Variants in ZNF385D observed in about 807,000 individuals in gnomAD.
The protein encoded by ZNF385D is zinc finger protein 659.
Under a neutral mutation model 35.8 loss-of-function variants are expected in ZNF385D, and 15 were observed. The observed-to-expected ratio is 0.42, with a 90% confidence interval of 0.28 to 0.64. The LOEUF is 0.64. Among genes scored for constraint, ZNF385D ranks in the 30% least tolerant of loss-of-function variants. ZNF385D has a pLI of 0.23. For missense variants in ZNF385D, 474 were observed against 494.6 expected, an observed-to-expected ratio of 0.96 and a Z score of 0.39; for synonymous variants, 212 against 186.8, an observed-to-expected ratio of 1.13 and a Z score of -1.10.
intron 3 of ZNF385D, among the ~76,000 whole-genome samples, chr3:22,006,423 C>G (rs1696207095): frequency 6.6e-6 from 1 of 152,060 alleles, no homozygotes; most frequent in Non-Finnish European, 1.5e-5. Flanking sequence ...ATTTATAACT[C>G]TGGGAAAATA....
rs541560932 is a variant in ZNF385D, at chr3:22,325,765, C to CA, written c.106+46684dup. ...AGAGCGAGACTCTGTCTCAAAAAAA[C>CA]AAAAAACAAAAAAACAGAGCCATCT... On this transcript the variant is annotated intron_variant, in intron 2 of 5. Transcript: ENST00000494108. 1.2e-3 allele frequency among the ~76,000 whole-genome samples: 189 copies of CA among 151,406 alleles called. 2 individuals are homozygous for CA. Among genetic ancestry groups the CA allele is most frequent in the African/African-American group, 4.4e-3 (180 of 41,366 alleles).
At chr3:21,894,311 C>T (rs764731741) in intron 3 of ZNF385D, among the ~76,000 whole-genome samples, 29 of 152,166 alleles carry the variant, frequency 1.9e-4, no homozygotes, top group Admixed American at 3.9e-4. Flanking sequence ...TTAGTCAATT[C>T]ATGTAATATT....
At chr3:22,242,669 T>C (rs1699562833) in intron 2 of ZNF385D, among the ~76,000 whole-genome samples, 1 of 151,122 alleles carries the variant, frequency 6.6e-6, no homozygotes, top group African/African-American at 2.4e-5. Flanking sequence ...CACAGCATGG[T>C]ATTCTAAACT....
At chr3:22,227,453 C>T (rs1413200529) in intron 2 of ZNF385D, among the ~76,000 whole-genome samples, 1 of 152,182 alleles carries the variant, frequency 6.6e-6, no homozygotes, top group Non-Finnish European at 1.5e-5. Flanking sequence ...AGAATCTGAA[C>T]AGACATGCCT....
intron 1 of ZNF385D, among the ~76,000 whole-genome samples, chr3:21,737,799 T>C (rs1559568509): frequency 6.6e-6 from 1 of 152,182 alleles, no homozygotes; most frequent in Admixed American, 6.5e-5. Context: ...TGTGGCACAT[T>C]GCCTGATGTG....
chr3:21,521,086 A>T (rs533809568), intron 3 of ZNF385D, among the ~76,000 whole-genome samples: 6 of 152,222 alleles, frequency 3.9e-5, no homozygotes, highest in African/African-American at 1.4e-4. Flanking sequence ...AAATCTGAGA[A>T]TAGTTCTGAT....
chr3:22,173,980 T>C (rs2125767123), intron 2 of ZNF385D, among the ~76,000 whole-genome samples: 1 of 152,104 alleles, frequency 6.6e-6, no homozygotes, highest in Non-Finnish European at 1.5e-5. Context: ...TGATTCCTTC[T>C]ATTTATTATC....
At chr3:22,140,667 C>G (rs1338390241) in intron 3 of ZNF385D, among the ~76,000 whole-genome samples, 1 of 152,130 alleles carries the variant, frequency 6.6e-6, no homozygotes, top group African/African-American at 2.4e-5. Flanking sequence ...GTGAAGGGTA[C>G]ATGAAAACTC....
intron 2 of ZNF385D, among the ~76,000 whole-genome samples, chr3:22,231,960 C>G (rs1401546397): frequency 6.6e-6 from 1 of 152,090 alleles, no homozygotes; most frequent in Non-Finnish European, 1.5e-5. Flanking sequence ...GAAGACGTGC[C>G]TCCTTCCCCT....
chr3:22,178,185 G>C (rs1199644883), intron 2 of ZNF385D, among the ~76,000 whole-genome samples: 2 of 152,184 alleles, frequency 1.3e-5, no homozygotes. Context: ...GGTTGAACTA[G>C]TTTACAGTCC....
intron 3 of ZNF385D, among the ~76,000 whole-genome samples, chr3:22,015,694 G>A (rs999355224): frequency 6.6e-6 from 1 of 152,058 alleles, no homozygotes; most frequent in East Asian, 1.9e-4. Context: ...TCTGGCTCCT[G>A]GTCTTTGGTT....
intron 3 of ZNF385D, among the ~76,000 whole-genome samples, chr3:21,808,478 C>A (rs1230917770): frequency 6.6e-6 from 1 of 152,144 alleles, no homozygotes; most frequent in East Asian, 1.9e-4. Flanking sequence ...GAGATGACAC[C>A]CATCCACTTA....
chr3:22,127,070 A>C (rs1237944788), intron 3 of ZNF385D, among the ~76,000 whole-genome samples: 2 of 151,882 alleles, frequency 1.3e-5, no homozygotes, highest in African/African-American at 4.8e-5. Context: ...GTGTGTCTTT[A>C]CAGGTGAAAT....
chr3:22,326,706 C>T (rs1410578164), intron 2 of ZNF385D, among the ~76,000 whole-genome samples: 2 of 152,106 alleles, frequency 1.3e-5, no homozygotes, highest in East Asian at 1.9e-4. Flanking sequence ...TGTTTTAAAA[C>T]ATTTTAGTGA....
At chr3:21,564,933 A>G (rs2063089665) in intron 2 of ZNF385D, among the ~76,000 whole-genome samples, 1 of 152,202 alleles carries the variant, frequency 6.6e-6, no homozygotes, top group Non-Finnish European at 1.5e-5. Flanking sequence ...TGTTTTTCTC[A>G]TTTAAAAGCA....
intron 3 of ZNF385D, among the ~76,000 whole-genome samples, chr3:21,997,767 A>T (rs912268368): frequency 6.6e-6 from 1 of 152,136 alleles, no homozygotes; most frequent in Admixed American, 6.5e-5. Context: ...AATATTATAA[A>T]GTAGGAATGT....
intron 3 of ZNF385D, among the ~76,000 whole-genome samples, chr3:21,910,137 A>G (rs1003609178): frequency 3.3e-5 from 5 of 150,854 alleles, no homozygotes; most frequent in Non-Finnish European, 5.9e-5. Context: ...TTTCTAGACC[A>G]TCTTTGGCCT....
intron 3 of ZNF385D, among the ~76,000 whole-genome samples, chr3:21,796,933 C>G (rs184721677): frequency 4.6e-4 from 70 of 152,282 alleles, no homozygotes; most frequent in Non-Finnish European, 7.8e-4. Context: ...GGATCCTTCC[C>G]CCTGCCCATA....
At chr3:21,771,243 A>T (rs1244821230) in intron 3 of ZNF385D, among the ~76,000 whole-genome samples, 1 of 145,618 alleles carries the variant, frequency 6.9e-6, no homozygotes, top group Non-Finnish European at 1.5e-5. Flanking sequence ...GTATAATAAT[A>T]AAAAAAAAAA....
Sources: gnomAD v4.1 joint callset for allele counts (sites outside exome capture counted in the v4.1 genomes callset) on GRCh38, gnomAD v4.1.1 for gene constraint, MANE v1.5 for transcripts, NCBI Gene and HGNC (gene_info 2026-07-23, HGNC 2026-07-21) for gene names.